PIEZO2: variants seen among roughly 807,000 people sequenced by gnomAD.
PIEZO2 encodes piezo type mechanosensitive ion channel component 2.
PIEZO2 carries 172 observed loss-of-function variants against 337.3 expected under a neutral mutation model. That is an observed-to-expected ratio of 0.51 (90% CI 0.45 to 0.58). The LOEUF is 0.58. Among genes scored for constraint, PIEZO2 ranks in the 20% least tolerant of loss-of-function variants. PIEZO2 has a pLI of 0.00. For missense variants in PIEZO2, 3,028 were observed against 3,391.3 expected (o/e 0.89, Z 2.66); for synonymous variants, 1,251 against 1,228.5 (o/e 1.02, Z -0.38).
At chr18:10,851,110 G>C (rs943423906) in intron 7 of PIEZO2, among the ~76,000 whole-genome samples, 4 of 141,622 alleles carry the variant, frequency 2.8e-5, no homozygotes, top group Non-Finnish European at 6.3e-5. Context: ...TTCTATGTTT[G>C]TTTCCTTCTT....
In PIEZO2 at chr18:10,689,819, C is replaced by A; in HGVS notation, c.7350-17G>T. On this transcript the variant is annotated splice_polypyrimidine_tract_variant and intron_variant, in intron 48 of 55. Transcript: ENST00000674853. ...AGGCGAAACCTGGCAGGAAACACAT[C>A]TCGTCAGAGAGACATTCGTGGGTGG... The A allele has an allele frequency of 6.3e-7, 1 of 1,595,144 alleles. No homozygotes were observed. The highest frequency in any genetic ancestry group is 8.6e-7 in the Non-Finnish European group (1 of 1,169,548).
rs974727743 is a variant in PIEZO2 at position 11,028,519 on chromosome 18, C to T, written c.160+37608G>A. ...CAGATGATCCGCCAGCCTTGGACTC[C>T]CAAAGTGCTGGGATTACAGGTGTGA... On this transcript the variant is annotated intron_variant, in intron 2 of 55. Transcript: ENST00000674853. This position sits in a 1 kb window ranked among gnomAD's most constrained non-coding sequence, Gnocchi z 4.8. 6.6e-6 allele frequency among the ~76,000 whole-genome samples: 1 copy of T among 152,104 alleles called. No homozygotes were observed. Among genetic ancestry groups the T allele is most frequent in the Non-Finnish European group, 1.5e-5 (1 of 68,038 alleles).
At position 10,671,474 on chromosome 18, in the gene PIEZO2, C is replaced by A; in HGVS notation, c.*53G>T. ...GCTTAGCTCTTATGAGAATATTGTG[C>A]TTTTAAAAAAAATTCAAATGTTAAC... On this transcript the variant is annotated 3_prime_UTR_variant, in exon 56 of 56. Transcript: ENST00000674853. 6.5e-7 allele frequency: 1 copy of A among 1,548,386 alleles called. No homozygotes were observed. The highest frequency in any genetic ancestry group is 1.2e-5 in the South Asian group (1 of 81,950).
intron 36 of PIEZO2, among the ~76,000 whole-genome samples, chr18:10,729,725 A>G (rs532421280): frequency 6.6e-6 from 1 of 152,284 alleles, no homozygotes; most frequent in African/African-American, 2.4e-5. Context: ...GACTGTTACT[A>G]ATGAGTGAAT....
chr18:10,963,477 G>A (rs977998179), intron 3 of PIEZO2, among the ~76,000 whole-genome samples: 29 of 152,054 alleles, frequency 1.9e-4, no homozygotes, highest in African/African-American at 6.5e-4. Context: ...CATAACATCC[G>A]GAAAAAGTTT....
chr18:11,086,536 CTT>C (rs2038922201), intron 1 of PIEZO2, among the ~76,000 whole-genome samples: 1 of 151,778 alleles, frequency 6.6e-6, no homozygotes, highest in East Asian at 1.9e-4. Context: ...AAAAAAGGTT[CTT>C]TAAGTCTCAA....
chr18:11,138,854 C>T (rs2040561198), intron 1 of PIEZO2, among the ~76,000 whole-genome samples: 1 of 152,110 alleles, frequency 6.6e-6, no homozygotes, highest in Non-Finnish European at 1.5e-5. Context: ...TAACCATGAA[C>T]CATAGCACAG....
chr18:10,720,947 C>A (rs1399342791), intron 36 of PIEZO2, among the ~76,000 whole-genome samples: 1 of 152,172 alleles, frequency 6.6e-6, no homozygotes, highest in Non-Finnish European at 1.5e-5. Context: ...TACAAATACT[C>A]CCTTCTTCAT....
In PIEZO2 at chr18:11,146,851, T is replaced by A. The variant is rs1463709510; in HGVS notation, c.64+1674A>T. Among the ~76,000 whole-genome samples, 1 of 152,038 alleles carries A rather than the reference T, an allele frequency of 6.6e-6. No homozygotes were observed. The highest frequency in any genetic ancestry group is 1.5e-5 in the Non-Finnish European group (1 of 68,018). On this transcript the variant is annotated intron_variant, in intron 1 of 55. Coordinates refer to ENST00000674853, the MANE Select transcript of PIEZO2 (RefSeq NM_001378183.1). The surrounding 1 kb of genome is among the most constrained non-coding windows in gnomAD (Gnocchi z 6.1). ...TGGGGGATGGGGAAGAGGGTGTCCA[T>A]CCTCCAGGAACAGTGGCGAGGAGGA... is the stretch of plus-strand genomic sequence containing the variant.
intron 45 of PIEZO2, among the ~76,000 whole-genome samples, chr18:10,697,202 G>A (rs1424172319): frequency 3.3e-5 from 5 of 152,068 alleles, no homozygotes; most frequent in South Asian, 2.1e-4. Flanking sequence ...TCAGTTCAAC[G>A]CCACGTTCAG....
intron 2 of PIEZO2, among the ~76,000 whole-genome samples, chr18:11,042,041 AATCATCTC>A (rs1458860830): frequency 1.3e-5 from 2 of 152,162 alleles, no homozygotes; most frequent in African/African-American, 4.8e-5. Flanking sequence ...CTGAAGGCCA[AATCATCTC>A]TCTGGTAAAA....
intron 4 of PIEZO2, among the ~76,000 whole-genome samples, chr18:10,891,268 G>A (rs2042747260): frequency 1.3e-5 from 2 of 152,110 alleles, no homozygotes; most frequent in South Asian, 2.1e-4. Context: ...AGGTTGCAGT[G>A]AGCGAGATTG....
intron 7 of PIEZO2, among the ~76,000 whole-genome samples, chr18:10,820,750 G>A (rs2040498034): frequency 6.6e-6 from 1 of 152,128 alleles, no homozygotes; most frequent in Admixed American, 6.6e-5. Flanking sequence ...TTTAAAAAGT[G>A]TTGAGTTTTA....
intron 2 of PIEZO2, among the ~76,000 whole-genome samples, chr18:11,015,158 C>T (rs1482116747): frequency 6.8e-6 from 1 of 146,872 alleles, no homozygotes; most frequent in African/African-American, 2.6e-5. Flanking sequence ...GATCCATGAC[C>T]CCCTCATTCC....
chr18:10,771,440 G>A (rs561323912), intron 20 of PIEZO2, among the ~76,000 whole-genome samples: 1 of 152,342 alleles, frequency 6.6e-6, no homozygotes, highest in South Asian at 2.1e-4. Context: ...TTTATTGACT[G>A]AAAGTCACAG....
Position 10,854,045 on chromosome 18 carries a change from A to G in PIEZO2, c.917+1308T>C, listed in dbSNP as rs188989993. ...TAGACAGTTGCTGCCTCCACTCTCT[A>G]TGCAGGCCTCTTTTCCATGCTGATT... is the stretch of plus-strand genomic sequence containing the variant. On this transcript the variant is annotated intron_variant, in intron 7 of 55. Coordinates refer to ENST00000674853, the MANE Select transcript of PIEZO2 (RefSeq NM_001378183.1). This position sits in a 1 kb window ranked among gnomAD's most constrained non-coding sequence, Gnocchi z 4.6. 5.6e-3 allele frequency among the ~76,000 whole-genome samples: 856 copies of G among 152,124 alleles called. 8 individuals carry two copies. Among genetic ancestry groups the G allele is most frequent in the African/African-American group, 0.02 (816 of 41,492 alleles).
At chr18:11,037,214 T>C (rs968813440) in intron 2 of PIEZO2, among the ~76,000 whole-genome samples, 1 of 152,178 alleles carries the variant, frequency 6.6e-6, no homozygotes, top group Non-Finnish European at 1.5e-5. Flanking sequence ...CTCTAGCTTA[T>C]AAAACAGAAA....
intron 22 of PIEZO2, 96 bp from the exon 23 acceptor site, chr18:10,762,721 T>C: frequency 1.4e-6 from 2 of 1,429,912 alleles, no homozygotes; most frequent in Non-Finnish European, 1.9e-6. Context: ...ATGATAGTGG[T>C]AGGATGGGAG....
At chr18:10,715,585 G>T in intron 38 of PIEZO2, 65 bp downstream of exon 38, 2 of 1,395,916 alleles carry the variant, frequency 1.4e-6, no homozygotes, top group Admixed American at 2.7e-5. Context: ...TGGAGTTTTG[G>T]ACATTGACTT....
Sources: allele counts gnomAD v4.1 joint callset (sites outside exome capture counted in the v4.1 genomes callset), GRCh38; gene constraint gnomAD v4.1.1; non-coding constraint Gnocchi (gnomAD v3.1); transcripts MANE v1.5; gene names NCBI Gene and HGNC (gene_info 2026-07-23, HGNC 2026-07-21).